Variants in OPA3 observed in about 807,000 individuals in gnomAD.
OPA3 encodes outer mitochondrial membrane lipid metabolism regulator OPA3.
OPA3 carries 6 observed loss-of-function variants against 4.0 expected under a neutral mutation model. That is an observed-to-expected ratio of 1.51 (90% confidence interval 0.83 to 2.99). The LOEUF is 2.99. Among genes scored for constraint, OPA3 ranks in the 30% most tolerant of loss-of-function variants. OPA3 has a pLI of 0.00. For synonymous variants in OPA3, 105 were observed against 117.1 expected, an observed-to-expected ratio of 0.90 and a Z score of 0.67; for missense variants, 235 against 256.2, an observed-to-expected ratio of 0.92 and a Z score of 0.56.
chr19:45,584,341 C>T (rs1374030536), intron 1 of OPA3: 1 of 985,274 alleles, frequency 1.0e-6, no homozygotes, highest in Non-Finnish European at 1.2e-6. Flanking sequence ...CCATCTCTCA[C>T]ACTATTGGTT....
At chr19:45,543,027 T>G (rs1277694771), downstream of OPA3, among the ~76,000 whole-genome samples, 1 of 151,954 alleles carries the variant, frequency 6.6e-6, no homozygotes, top group East Asian at 1.9e-4. Flanking sequence ...TATTTATTTT[T>G]GAGACAGGGT....
intron 1 of OPA3, among the ~76,000 whole-genome samples, chr19:45,580,418 C>A (rs1201248461): frequency 1.3e-5 from 2 of 150,942 alleles, no homozygotes; most frequent in African/African-American, 2.4e-5. Context: ...CTCAGCCTCC[C>A]GAGTAGCTGG....
chr19:45,535,949 G>T (rs1190316570), intron 1 of OPA3, among the ~76,000 whole-genome samples: 1 of 151,670 alleles, frequency 6.6e-6, no homozygotes, highest in Non-Finnish European at 1.5e-5. Flanking sequence ...TTTTCTTGCC[G>T]GGTGTGATGG....
In OPA3 at chr19:45,531,196, A is replaced by G. The variant is rs138125753; in HGVS notation, c.143-1740T>C. 1.7e-3 allele frequency among the ~76,000 whole-genome samples: 260 copies of G among 152,106 alleles called. 2 individuals are homozygous for G. Among genetic ancestry groups the G allele is most frequent in the East Asian group, 0.012 (61 of 5,188 alleles). On this transcript the variant is annotated intron_variant, in intron 1 of 1. Transcript: ENST00000323060. ...CATGTAAAATATGGAGGTTATGGAA[A>G]TATTAATCCTGTAGATCCATAATGA...
At chr19:45,531,466 G>A (rs1969060821) in intron 1 of OPA3, among the ~76,000 whole-genome samples, 1 of 152,152 alleles carries the variant, frequency 6.6e-6, no homozygotes, top group Admixed American at 6.5e-5. Flanking sequence ...TAAATAAACA[G>A]TTGTGGACAC....
At chr19:45,559,393 C>CTTTTTTTTTTTTTT (rs1411300137) in intron 1 of OPA3, among the ~76,000 whole-genome samples, 7 of 97,820 alleles carry the variant, frequency 7.2e-5, no homozygotes, top group African/African-American at 1.7e-4. Flanking sequence ...CCCTCTTTTT[C>CTTTTTTTTTTTTTT]TTTCTTTTTT....
In OPA3 at chr19:45,549,294, T is replaced by A. The variant is rs1969297705; in HGVS notation, c.*4220A>T. The A allele has an allele frequency of 2.0e-6, 2 of 985,184 alleles. No homozygotes were observed. The highest frequency in any genetic ancestry group is 2.4e-6 in the Non-Finnish European group (2 of 829,936). The allele number at this position is 985,184 out of a possible 1,614,324, so 61.0% of individuals were successfully genotyped here. A position where few individuals can be genotyped will look rare whatever the true frequency, so the allele number is the denominator to read the frequency against. ...GGACGTTCTTTCCACTTCCACACAC[T>A]CTGGCCACCCCTGACGCCGCAGTGG... On this transcript the variant is annotated 3_prime_UTR_variant, in exon 2 of 2. Transcript: ENST00000263275.
intron 1 of OPA3, among the ~76,000 whole-genome samples, chr19:45,576,147 C>G (rs1033236575): frequency 6.6e-6 from 1 of 152,094 alleles, no homozygotes; most frequent in Non-Finnish European, 1.5e-5. Context: ...CGCTTGAAAC[C>G]GGGATGCAGA....
intron 1 of OPA3, among the ~76,000 whole-genome samples, chr19:45,573,439 G>A (rs111506997): frequency 0.098 from 14,872 of 152,050 alleles, 978 homozygotes; most frequent in East Asian, 0.22. Context: ...CAACAAGAGC[G>A]AAACTCTGTC....
intron 1 of OPA3, among the ~76,000 whole-genome samples, chr19:45,567,909 T>C (rs1414244097): frequency 1.3e-5 from 2 of 152,178 alleles, no homozygotes; most frequent in East Asian, 3.8e-4. Flanking sequence ...AATAAATTAT[T>C]ATTCAGGGTA....
downstream of OPA3, among the ~76,000 whole-genome samples, chr19:45,543,163 C>T (rs1053340065): frequency 1.3e-5 from 2 of 151,808 alleles, no homozygotes; most frequent in African/African-American, 4.8e-5. Context: ...GAGCATGACA[C>T]CATGCCTGAC....
intron 1 of OPA3, among the ~76,000 whole-genome samples, chr19:45,559,227 TC>T (rs1051401509): frequency 2.6e-5 from 4 of 152,082 alleles, no homozygotes; most frequent in Admixed American, 6.6e-5. Context: ...ATTTTCCTTT[TC>T]TGTAATGACT....
intron 1 of OPA3, among the ~76,000 whole-genome samples, chr19:45,565,127 C>T (rs900760373): frequency 1.3e-5 from 2 of 148,494 alleles, no homozygotes; most frequent in Admixed American, 6.7e-5. Context: ...CCAGCTACTT[C>T]GGAGGCTGAG....
chr19:45,571,087 T>TA (rs2122490157), intron 1 of OPA3, among the ~76,000 whole-genome samples: 1 of 152,168 alleles, frequency 6.6e-6, no homozygotes, highest in East Asian at 1.9e-4. Context: ...ACCATACTAT[T>TA]ATATGTTAGC....
In OPA3 at chr19:45,552,248, C is replaced by G. The variant is rs1465433415; in HGVS notation, c.*1266G>C. The stretch of plus-strand genomic sequence containing the variant: ...TTTTAAGATGGAGTTTTGCTCGTTA[C>G]CCAGGCTGGCATGCAATTGCGCAAT... On this transcript the variant is annotated 3_prime_UTR_variant, in exon 2 of 2. Transcript: ENST00000263275. 4 of 978,898 alleles carry G rather than the reference C, an allele frequency of 4.1e-6. No individual in the cohort carries two copies. The African/African-American group carries it at 7.0e-5, about 17-fold the overall frequency. 60.6% of individuals were successfully genotyped at this position (978,898 alleles called of 1,614,324 possible). A position where few individuals can be genotyped will look rare whatever the true frequency, so the allele number is the denominator to read the frequency against.
chr19:45,554,706 T>C (rs1006287050), intron 1 of OPA3, among the ~76,000 whole-genome samples: 1 of 152,268 alleles, frequency 6.6e-6, no homozygotes, highest in Non-Finnish European at 1.5e-5. Context: ...AACCCTTGTG[T>C]GGTGCCTTTG....
intron 1 of OPA3, among the ~76,000 whole-genome samples, chr19:45,536,639 A>C (rs1399720779): frequency 2.0e-5 from 3 of 152,138 alleles, no homozygotes; most frequent in Non-Finnish European, 4.4e-5. Context: ...ACCAGATATA[A>C]AGCTATCATA....
rs190646897 is a variant in OPA3, at chr19:45,540,204, C to G, written c.143-10748G>C. Among the ~76,000 whole-genome samples, 420 of 152,006 alleles carry G rather than the reference C, an allele frequency of 2.8e-3. 2 individuals are homozygous for G. The highest frequency in any genetic ancestry group is 9.6e-3 in the African/African-American group (400 of 41,460). ...TGGTGGCGTGCACCTGTAGTCCCAG[C>G]TACTCGGGAGGCTGAGGCAGGAGAA... On this transcript the variant is annotated intron_variant, in intron 1 of 1. Coordinates refer to the OPA3 transcript ENST00000323060.
intron 1 of OPA3, among the ~76,000 whole-genome samples, chr19:45,564,586 A>T (rs1238909538): frequency 6.6e-6 from 1 of 152,064 alleles, no homozygotes; most frequent in African/African-American, 2.4e-5. Context: ...GTTGCTGGGG[A>T]CAAAACCACA....
Sources: allele counts gnomAD v4.1 joint callset (sites outside exome capture counted in the v4.1 genomes callset), GRCh38; gene constraint gnomAD v4.1.1; transcripts MANE v1.5; gene names NCBI Gene and HGNC (gene_info 2026-07-23, HGNC 2026-07-21).